SLC2A9: variants seen among roughly 807,000 people sequenced by gnomAD.
The protein encoded by SLC2A9 is solute carrier family 2 member 9.
In SLC2A9, 39 loss-of-function variants were observed where a neutral mutation model predicts 50.6. The observed-to-expected ratio is 0.77, with a 90% CI of 0.60 to 1.01. The LOEUF is 1.01. Ranked by LOEUF, SLC2A9 falls within the 50% of genes least tolerant of loss-of-function variation. The probability of loss-of-function intolerance (pLI) is 0.00; values close to 1 mark genes in which losing one functional copy is unlikely to be tolerated. For missense variants in SLC2A9, 686 were observed against 677.6 expected (o/e 1.01, Z -0.14); for synonymous variants, 324 against 276.9 (o/e 1.17, Z -1.69).
chr4:9,808,216 C>T (rs1369102391), intron 3 of SLC2A9, among the ~76,000 whole-genome samples: 1 of 152,228 alleles, frequency 6.6e-6, no homozygotes. Context: ...TTTCCACTGG[C>T]CAGGCCTCTT....
intron 10 of SLC2A9, among the ~76,000 whole-genome samples, chr4:9,842,539 G>T (rs981165991): frequency 6.6e-6 from 1 of 152,130 alleles, no homozygotes; most frequent in Admixed American, 6.5e-5. Flanking sequence ...AGAGGGCCTT[G>T]CCCAGTTACT....
Position 10,019,207 on chromosome 4 carries a change from G to C in SLC2A9, c.151-134C>G, listed in dbSNP as rs1289070361. ...TTTGTCCTTGGCTGGGGTAGAGACA[G>C]AGAGAAGAGACGCAAGTTGGGGACC... is the stretch of plus-strand genomic sequence containing the variant. On this transcript the variant is annotated intron_variant, in intron 1 of 11. Transcript: ENST00000264784. The C allele has an allele frequency of 4.1e-6, 3 of 736,622 alleles. No individual in the cohort carries two copies. In the Admixed American group the frequency reaches 7.4e-5, roughly 18 times the overall value. 45.6% of individuals were successfully genotyped at this position (736,622 alleles called of 1,614,324 possible). A position where few individuals can be genotyped will look rare whatever the true frequency, so the allele number is the denominator to read the frequency against.
intron 11 of SLC2A9, among the ~76,000 whole-genome samples, chr4:9,829,559 C>T (rs1725715447): frequency 6.6e-6 from 1 of 150,504 alleles, no homozygotes; most frequent in African/African-American, 2.4e-5. Context: ...GCAAAAGAAA[C>T]TATCATCATA....
At chr4:9,841,225 A>T (rs920562856) in intron 10 of SLC2A9, among the ~76,000 whole-genome samples, 1 of 152,128 alleles carries the variant, frequency 6.6e-6, no homozygotes, top group African/African-American at 2.4e-5. Context: ...TATTTTCTAC[A>T]TGTTGGATTC....
At chr4:9,879,014 A>G (rs1421875118) in intron 10 of SLC2A9, 1 of 981,360 alleles carries the variant, frequency 1.0e-6, no homozygotes, top group Non-Finnish European at 1.2e-6. Context: ...TATGTTTTGA[A>G]TGAATTCATG....
intron 3 of SLC2A9, chr4:9,782,018 G>A: frequency 1.4e-6 from 2 of 1,453,524 alleles, no homozygotes; most frequent in Non-Finnish European, 1.8e-6. Context: ...CGCCCCTGCA[G>A]TCCAGCCCGA....
chr4:9,962,225 C>G (rs964070295), intron 5 of SLC2A9, among the ~76,000 whole-genome samples: 2 of 152,102 alleles, frequency 1.3e-5, no homozygotes, highest in Admixed American at 6.5e-5. Flanking sequence ...GGGTATATAC[C>G]CAAATGAATA....
rs376686302 is a variant in SLC2A9 at position 9,838,461 on chromosome 4, A to C, written c.1292-3453T>G. On this transcript the variant is annotated intron_variant, in intron 10 of 11. Transcript: ENST00000264784. ...AATTTATGAATTCAATGTTATTCCC[A>C]TTAAACTACCATTGACATTCTTCAC... Among the ~76,000 whole-genome samples the C allele has an allele frequency of 3.5e-4, 54 of 152,350 alleles. 1 individual carries two copies. In the South Asian group the frequency reaches 0.011, roughly 30 times the overall value.
chr4:9,930,807 T>C (rs1034406564), intron 6 of SLC2A9, among the ~76,000 whole-genome samples: 2 of 152,130 alleles, frequency 1.3e-5, no homozygotes, highest in Non-Finnish European at 2.9e-5. Context: ...GATGAACGTG[T>C]TTTTTGCACA....
At chr4:9,788,167 G>T (rs1304270344) in intron 3 of SLC2A9, among the ~76,000 whole-genome samples, 1 of 152,002 alleles carries the variant, frequency 6.6e-6, no homozygotes, top group Non-Finnish European at 1.5e-5. Context: ...ATTTACATCA[G>T]CATAGAATCT....
chr4:9,980,787 G>A lies in SLC2A9; in HGVS notation c.536-50C>T, dbSNP rs1299401669. The A allele has an allele frequency of 3.1e-6, 5 of 1,612,882 alleles. No homozygotes were observed. The Admixed American group carries it at 8.3e-5, about 27-fold the overall frequency. On this transcript the variant is annotated intron_variant, in intron 4 of 11. Transcript: ENST00000264784. The stretch of plus-strand genomic sequence containing the variant: ...GTTAGAGAGGTGTCTTCCCGGGGGA[G>A]CTGCACTCTGGTTACAATGCCTCTC...
At chr4:10,028,122 A>T (rs375092540) in intron 1 of SLC2A9, among the ~76,000 whole-genome samples, 15 of 152,176 alleles carry the variant, frequency 9.9e-5, no homozygotes, top group African/African-American at 3.4e-4. Flanking sequence ...CTGCCCAAGC[A>T]GCCCCTTCGA....
At chr4:9,783,162 T>A in intron 3 of SLC2A9, 1 of 1,614,226 alleles carries the variant, frequency 6.2e-7, no homozygotes, top group South Asian at 1.1e-5. Flanking sequence ...TGCAGCCACT[T>A]CTGCTCCCGC....
intron 1 of SLC2A9, among the ~76,000 whole-genome samples, chr4:10,036,693 GC>G (rs1374858153): frequency 1.3e-5 from 2 of 152,158 alleles, no homozygotes; most frequent in Non-Finnish European, 2.9e-5. Context: ...ACTACACACA[GC>G]TCTGTAGTGA....
At chr4:9,977,488 A>G (rs1754986120) in intron 5 of SLC2A9, among the ~76,000 whole-genome samples, 1 of 151,712 alleles carries the variant, frequency 6.6e-6, no homozygotes, top group Non-Finnish European at 1.5e-5. Context: ...CATTTACAGC[A>G]TAGGTGTGGC....
intron 3 of SLC2A9, among the ~76,000 whole-genome samples, chr4:9,780,621 C>T (rs1371435947): frequency 2.0e-5 from 3 of 152,192 alleles, no homozygotes; most frequent in Non-Finnish European, 4.4e-5. Flanking sequence ...CAGCAGGTCG[C>T]AGCCGGAGCT....
intron 1 of SLC2A9, among the ~76,000 whole-genome samples, chr4:9,773,595 C>G (rs745709812): frequency 1.3e-5 from 2 of 152,210 alleles, no homozygotes; most frequent in Non-Finnish European, 2.9e-5. Flanking sequence ...CACAATTTTG[C>G]AGGAGCCAGG....
intron 3 of SLC2A9, among the ~76,000 whole-genome samples, chr4:9,812,924 G>A (rs1723074734): frequency 6.6e-6 from 1 of 152,162 alleles, no homozygotes; most frequent in Non-Finnish European, 1.5e-5. Context: ...TTTTGATAAG[G>A]ATAATTACAT....
At chr4:9,817,263 G>A (rs921133130) in intron 3 of SLC2A9, among the ~76,000 whole-genome samples, 10 of 152,180 alleles carry the variant, frequency 6.6e-5, no homozygotes, top group South Asian at 4.1e-4. Flanking sequence ...TAACATACTC[G>A]AAGGTTCTTA....
Sources: allele counts gnomAD v4.1 joint callset (sites outside exome capture counted in the v4.1 genomes callset), GRCh38; gene constraint gnomAD v4.1.1; transcripts MANE v1.5; gene names NCBI Gene and HGNC (gene_info 2026-07-23, HGNC 2026-07-21).